TTLL5: variants seen among roughly 807,000 people sequenced by gnomAD.
The protein encoded by TTLL5 is tubulin tyrosine ligase like 5, also known as tubulin polyglutamylase TTLL5.
A neutral mutation model predicts 168.4 loss-of-function variants in TTLL5; 132 were observed. That is an observed-to-expected ratio of 0.78 (90% CI 0.68 to 0.91). TTLL5 has a LOEUF of 0.91. Ranked by LOEUF, TTLL5 falls within the 40% of genes least tolerant of loss-of-function variation. The pLI is 0.00. For missense variants in TTLL5, 1,545 were observed against 1,581.5 expected (o/e 0.98, Z 0.39); for synonymous variants, 546 against 558.6 (o/e 0.98, Z 0.32).
In TTLL5 at chr14:75,829,730, C is replaced by T. The variant is rs1301862327; in HGVS notation, c.3326+9569C>T. On this transcript the variant is annotated intron_variant, in intron 28 of 31. Coordinates refer to ENST00000298832, the MANE Select transcript of TTLL5 (RefSeq NM_015072.5). ...AATTCAGTCCCAGGTGTATAGGCTACGGATAGGTTAAGAAATGGAACAAAA... is the reference window on the plus strand; with the variant it reads ...AATTCAGTCCCAGGTGTATAGGCTATGGATAGGTTAAGAAATGGAACAAAA... Among the ~76,000 whole-genome samples the T allele has an allele frequency of 3.3e-5, 5 of 151,794 alleles. No individual in the cohort carries two copies. In the South Asian group the frequency reaches 6.2e-4, roughly 19 times the overall value.
In TTLL5 at chr14:75,954,535, A is replaced by G; in HGVS notation, c.*89A>G. The G allele has an allele frequency of 6.7e-7, 1 of 1,499,770 alleles. No individual in the cohort carries two copies. Among genetic ancestry groups the G allele is most frequent in the Non-Finnish European group, 9.2e-7 (1 of 1,089,596 alleles). The allele number at this position is 1,499,770 out of a possible 1,614,324, so 92.9% of individuals were successfully genotyped here. On this transcript the variant is annotated 3_prime_UTR_variant, in exon 32 of 32. Coordinates refer to ENST00000298832, the MANE Select transcript of TTLL5 (RefSeq NM_015072.5). ...TCCACCAGCACTTCAAGGGGTCCATAGTATTTTTTTTTTTGCTGCCTCAAA... is the reference window on the plus strand; with the variant it reads ...TCCACCAGCACTTCAAGGGGTCCATGGTATTTTTTTTTTTGCTGCCTCAAA...
At chr14:75,761,649 AAATTT>A in intron 18 of TTLL5, among the ~76,000 whole-genome samples, 1 of 152,336 alleles carries the variant, frequency 6.6e-6, no homozygotes, top group South Asian at 2.1e-4. Context: ...ACATGATGAA[AAATTT>A]ACAACAGTGA....
At chr14:75,837,118 G>A (rs1162751568) in intron 28 of TTLL5, 1 of 152,300 alleles carries the variant, frequency 6.6e-6, no homozygotes, top group African/African-American at 2.4e-5. Flanking sequence ...CAGTTAAGGT[G>A]TCAGCCAAGA....
At chr14:75,863,535 A>G in intron 28 of TTLL5, 132 bp from the exon 29 acceptor site, 2 of 868,874 alleles carry the variant, frequency 2.3e-6, no homozygotes, top group Non-Finnish European at 3.5e-6. Context: ...AGATAATATC[A>G]CACAAGTAGA....
intron 7 of TTLL5, among the ~76,000 whole-genome samples, chr14:75,702,566 A>G (rs1262530701): frequency 6.6e-6 from 1 of 152,214 alleles, no homozygotes; most frequent in Non-Finnish European, 1.5e-5. Flanking sequence ...TTTTAAAGCT[A>G]GCATCATAAA....
intron 27 of TTLL5, among the ~76,000 whole-genome samples, chr14:75,796,581 A>G (rs779816693): frequency 1.3e-5 from 2 of 152,110 alleles, no homozygotes; most frequent in South Asian, 2.1e-4. Context: ...TCTTTCATCT[A>G]TCTTGAGTTG....
At position 75,949,533 on chromosome 14, in the gene TTLL5, G is replaced by T. The variant is rs572838766; in HGVS notation, c.3824-4891G>T. On this transcript the variant is annotated intron_variant, in intron 31 of 31. Transcript: ENST00000298832. ...AGATGCTTTAAGAAATTAATGGAGA[G>T]ACCTACATGTTCGTGGATTAAAAGT... Among the ~76,000 whole-genome samples the T allele has an allele frequency of 2.5e-3, 374 of 150,674 alleles. 2 individuals carry two copies. Among genetic ancestry groups the T allele is most frequent in the African/African-American group, 8.7e-3 (356 of 41,146 alleles).
chr14:75,743,387 G>A (rs1277526619), intron 15 of TTLL5, among the ~76,000 whole-genome samples: 1 of 152,092 alleles, frequency 6.6e-6, no homozygotes, highest in Non-Finnish European at 1.5e-5. Flanking sequence ...TTAAACAACA[G>A]AAATTTATTT....
Position 75,831,086 on chromosome 14 carries a change from C to T in TTLL5, c.3326+10925C>T, listed in dbSNP as rs539668000. Among the ~76,000 whole-genome samples, 6 of 152,290 alleles carry T rather than the reference C, an allele frequency of 3.9e-5. No homozygotes were observed. The South Asian group carries it at 6.2e-4, about 16-fold the overall frequency. ...AAGTCAAAAGCTCAAAACGAGCTTACGTGGCTCATGACTACCATATTGGAC... is the reference window on the plus strand; with the variant it reads ...AAGTCAAAAGCTCAAAACGAGCTTATGTGGCTCATGACTACCATATTGGAC... On this transcript the variant is annotated intron_variant, in intron 28 of 31. Transcript: ENST00000298832.
At chr14:75,802,904 T>C (rs1465377194) in intron 27 of TTLL5, among the ~76,000 whole-genome samples, 45 of 152,324 alleles carry the variant, frequency 3.0e-4, no homozygotes, top group Admixed American at 2.9e-3. Flanking sequence ...GGCAGGTAGA[T>C]GGCAGAAGAA....
intron 5 of TTLL5, among the ~76,000 whole-genome samples, chr14:75,686,289 G>A (rs1187355556): frequency 6.6e-6 from 1 of 152,104 alleles, no homozygotes; most frequent in Non-Finnish European, 1.5e-5. Flanking sequence ...TTATTACCCT[G>A]GTTTTAAGGT....
intron 9 of TTLL5, among the ~76,000 whole-genome samples, chr14:75,716,581 T>C (rs1887476608): frequency 6.6e-6 from 1 of 152,202 alleles, no homozygotes; most frequent in East Asian, 1.9e-4. Flanking sequence ...GTAAGTCATA[T>C]GAAAATAAAC....
intron 31 of TTLL5, among the ~76,000 whole-genome samples, chr14:75,906,946 G>A (rs1049345793): frequency 2.0e-5 from 3 of 152,150 alleles, no homozygotes; most frequent in Admixed American, 2.0e-4. Flanking sequence ...TTAAAAATAC[G>A]AGGATTTTAA....
intron 29 of TTLL5, among the ~76,000 whole-genome samples, 154 bp downstream of exon 29, chr14:75,864,016 G>C (rs1326414089): frequency 6.6e-6 from 1 of 150,756 alleles, no homozygotes; most frequent in South Asian, 2.1e-4. Context: ...GTCTACTCTT[G>C]AGGAAAAACT....
chr14:75,913,707 C>T (rs2033480623), intron 31 of TTLL5, among the ~76,000 whole-genome samples: 1 of 152,048 alleles, frequency 6.6e-6, no homozygotes, highest in Admixed American at 6.5e-5. Flanking sequence ...TACCTGCCTA[C>T]ATATGCAAAT....
chr14:75,715,264 CTT>C (rs1201985101), intron 9 of TTLL5, among the ~76,000 whole-genome samples: 4 of 130,946 alleles, frequency 3.1e-5, no homozygotes, highest in East Asian at 2.1e-4. Context: ...CACCATCTTC[CTT>C]TTTTTTTTTT....
intron 29 of TTLL5, among the ~76,000 whole-genome samples, chr14:75,876,320 G>A (rs1468558169): frequency 2.6e-5 from 4 of 152,130 alleles, no homozygotes; most frequent in African/African-American, 7.2e-5. Flanking sequence ...CTTAAATGTT[G>A]GCAAGTACAG....
chr14:75,663,001 G>T, intron 1 of TTLL5, 54 bp from the exon 2 acceptor site: 1 of 726,492 alleles, frequency 1.4e-6, no homozygotes, highest in South Asian at 1.5e-5. Flanking sequence ...CCAATAAATA[G>T]ACAACTGCAT....
Position 75,718,004 on chromosome 14 carries a change from C to T in TTLL5, c.842+42C>T, listed in dbSNP as rs1887582449. ...AGCCAGAAGTCAGAGGTGTCAGTCTCAGATGTGGGTGTTGTAGAGGTGGAA... is the reference window on the plus strand; with the variant it reads ...AGCCAGAAGTCAGAGGTGTCAGTCTTAGATGTGGGTGTTGTAGAGGTGGAA... On this transcript the variant is annotated intron_variant, in intron 10 of 31. Transcript: ENST00000298832. 7.0e-6 allele frequency: 11 copies of T among 1,573,554 alleles called. 1 individual carries two copies. The South Asian group carries it at 1.1e-4, about 16-fold the overall frequency.
Sources: gnomAD v4.1 joint callset for allele counts (sites outside exome capture counted in the v4.1 genomes callset) on GRCh38, gnomAD v4.1.1 for gene constraint, MANE v1.5 for transcripts, NCBI Gene and HGNC (gene_info 2026-07-23, HGNC 2026-07-21) for gene names.